Variants in FARP1 observed in about 807,000 individuals in gnomAD.
FARP1 encodes the protein FERM, ARH/RhoGEF and pleckstrin domain protein 1.
FARP1 carries 52 observed loss-of-function variants against 128.8 expected under a neutral mutation model. The ratio of observed to expected loss-of-function variants is 0.40; its 90% CI spans 0.32 to 0.51. The LOEUF is 0.51. Among genes scored for constraint, FARP1 ranks in the 20% least tolerant of loss-of-function variants. The probability of loss-of-function intolerance (pLI) is 0.45; values close to 1 mark genes in which losing one functional copy is unlikely to be tolerated. For synonymous variants in FARP1, 580 were observed against 551.8 expected (o/e 1.05, Z -0.72); for missense variants, 1,333 against 1,367.9 (o/e 0.97, Z 0.40).
At chr13:98,263,935 C>T (rs778892941) in intron 2 of FARP1, among the ~76,000 whole-genome samples, 15 of 152,142 alleles carry the variant, frequency 9.9e-5, no homozygotes, top group Non-Finnish European at 1.6e-4. Context: ...TTGGAGCATC[C>T]TTGATTCTAA....
chr13:98,336,062 C>G (rs536760254), intron 2 of FARP1, among the ~76,000 whole-genome samples: 1 of 152,140 alleles, frequency 6.6e-6, no homozygotes, highest in Non-Finnish European at 1.5e-5. Context: ...CTTTAGCTCT[C>G]TCAGGTAGGG....
intron 2 of FARP1, among the ~76,000 whole-genome samples, chr13:98,326,695 T>C (rs979790120): frequency 7.9e-5 from 12 of 152,172 alleles, no homozygotes; most frequent in African/African-American, 2.9e-4. Context: ...CAATAAACTT[T>C]TCTGTTGGCA....
chr13:98,362,740 A>G (rs1390667248), intron 3 of FARP1, among the ~76,000 whole-genome samples: 1 of 152,174 alleles, frequency 6.6e-6, no homozygotes, highest in Non-Finnish European at 1.5e-5. Context: ...TGTATGATCC[A>G]AGGACACCTC....
intron 2 of FARP1, among the ~76,000 whole-genome samples, chr13:98,306,364 T>C (rs147222875): frequency 1.3e-5 from 2 of 152,336 alleles, no homozygotes; most frequent in East Asian, 3.9e-4. Flanking sequence ...TTCTGTTGCA[T>C]GCCCCTGTGC....
At chr13:98,333,536 C>G (rs978285273) in intron 2 of FARP1, 7 of 151,992 alleles carry the variant, frequency 4.6e-5, no homozygotes, top group African/African-American at 1.7e-4. Flanking sequence ...GTACTAATGA[C>G]GCCGTGGTTG....
intron 2 of FARP1, among the ~76,000 whole-genome samples, chr13:98,237,618 A>G (rs998450887): frequency 1.3e-5 from 2 of 152,186 alleles, no homozygotes; most frequent in African/African-American, 4.8e-5. Flanking sequence ...GTATTTTTTC[A>G]TCACATTTAG....
intron 2 of FARP1, chr13:98,244,486 C>T (rs747894213): frequency 1.2e-6 from 2 of 1,613,872 alleles, no homozygotes; most frequent in Admixed American, 3.3e-5. Flanking sequence ...CTCCTCTCTT[C>T]CCAGATGGTG....
chr13:98,184,187 G>A (rs1044850049), intron 1 of FARP1, among the ~76,000 whole-genome samples: 7 of 150,736 alleles, frequency 4.6e-5, no homozygotes, highest in African/African-American at 1.2e-4. Context: ...GTGAGATCTC[G>A]GCTCACTGCA....
At chr13:98,188,641 G>C (rs1459973475) in intron 1 of FARP1, among the ~76,000 whole-genome samples, 3 of 152,184 alleles carry the variant, frequency 2.0e-5, no homozygotes, top group Non-Finnish European at 4.4e-5. Context: ...CGGTGCCCTT[G>C]TGCCTTGACT....
chr13:98,153,382 T>A (rs1876196289), intron 1 of FARP1, among the ~76,000 whole-genome samples: 1 of 117,654 alleles, frequency 8.5e-6, no homozygotes, highest in Non-Finnish European at 1.8e-5. Context: ...TATATAAATA[T>A]ATAATAAATA....
At chr13:98,164,543 G>A (rs551438534) in intron 1 of FARP1, among the ~76,000 whole-genome samples, 1 of 152,146 alleles carries the variant, frequency 6.6e-6, no homozygotes, top group Non-Finnish European at 1.5e-5. Context: ...CACATCTGTG[G>A]CCTTCATTTG....
intron 3 of FARP1, among the ~76,000 whole-genome samples, chr13:98,363,805 G>C (rs9513411): frequency 6.6e-6 from 1 of 151,926 alleles, no homozygotes; most frequent in African/African-American, 2.4e-5. Flanking sequence ...GCAGTGGTGC[G>C]ATCTTGGCTC....
At chr13:98,218,951 A>G (rs1170205856) in intron 2 of FARP1, among the ~76,000 whole-genome samples, 1 of 152,262 alleles carries the variant, frequency 6.6e-6, no homozygotes, top group East Asian at 1.9e-4. Flanking sequence ...TGGTGTCAGA[A>G]TCGCCTGTGC....
intron 26 of FARP1, chr13:98,447,098 T>TAAGCC (rs1892895298): frequency 2.7e-6 from 1 of 375,032 alleles, no homozygotes; most frequent in African/African-American, 2.0e-5. Context: ...ATGATGAAGC[T>TAAGCC]AAGCCCCAGT....
chr13:98,350,002 T>C (rs936850578), intron 3 of FARP1, among the ~76,000 whole-genome samples: 1 of 152,122 alleles, frequency 6.6e-6, no homozygotes, highest in African/African-American at 2.4e-5. Context: ...TGAGGACCTC[T>C]GAGGTGAGGA....
intron 1 of FARP1, among the ~76,000 whole-genome samples, chr13:98,174,566 C>T (rs1338703110): frequency 8.5e-5 from 13 of 152,090 alleles, no homozygotes; most frequent in Non-Finnish European, 1.9e-4. Context: ...GGGTAGGGCC[C>T]AGTAAGTCAT....
At chr13:98,351,529 G>A (rs1421988268) in intron 3 of FARP1, among the ~76,000 whole-genome samples, 3 of 151,370 alleles carry the variant, frequency 2.0e-5, no homozygotes, top group African/African-American at 2.4e-5. Flanking sequence ...GGAGAATGGC[G>A]TGAACCCGGG....
At position 98,213,325 on chromosome 13, in the gene FARP1, G is replaced by A. The variant is rs763841974; in HGVS notation, c.83G>A (p.Gly28Glu). Reference protein sequence around the residue: ...ENSGISTLERGQKPPPTPSGK... With the variant: ...ENSGISTLEREQKPPPTPSGK... ...TCGGGGATCAGTACCTTGGAACGTGGACAGAAGCCGCCCCCAACACCTTCA... is the reference window on the plus strand; with the variant it reads ...TCGGGGATCAGTACCTTGGAACGTGAACAGAAGCCGCCCCCAACACCTTCA... Residue 28 changes from glycine (G) to glutamate (E), a missense_variant, in exon 2 of 27, where the codon GGA becomes GAA. By Grantham distance (98) the Gly-to-Glu change is moderately conservative. Transcript: ENST00000319562. The A allele has an allele frequency of 6.2e-7, 1 of 1,614,136 alleles. No individual in the cohort carries two copies. The highest frequency in any genetic ancestry group is 1.7e-5 in the Admixed American group (1 of 60,010).
intron 18 of FARP1, chr13:98,434,045 A>G (rs1011970876): frequency 3.3e-5 from 5 of 152,284 alleles, no homozygotes; most frequent in African/African-American, 7.2e-5. Flanking sequence ...CCACTCTGCT[A>G]TTTCTCTAAA....
Sources: gnomAD v4.1 joint callset for allele counts (sites outside exome capture counted in the v4.1 genomes callset) on GRCh38, gnomAD v4.1.1 for gene constraint, MANE v1.5 for transcripts, NCBI Gene and HGNC (gene_info 2026-07-23, HGNC 2026-07-21) for gene names.